The following RARS2 variants were observed in gnomAD, a reference collection of about 807,000 sequenced individuals.
RARS2 encodes the protein arginyl-tRNA synthetase 2, mitochondrial.
In RARS2, 67 loss-of-function variants were observed where a neutral mutation model predicts 88.5. That is an observed-to-expected ratio of 0.76 (90% CI 0.62 to 0.93). The LOEUF (loss-of-function observed/expected upper bound fraction) is 0.93, where lower values mean the gene tolerates loss of function less well. Among genes scored for constraint, RARS2 ranks in the 40% least tolerant of loss-of-function variants. The pLI is 0.00. For synonymous variants in RARS2, 239 were observed against 230.3 expected (o/e 1.04, Z -0.34); for missense variants, 664 against 684.2 (o/e 0.97, Z 0.33).
chr6:87,564,484 C>T, intron 2 of RARS2: 1 of 441,746 alleles, frequency 2.3e-6, no homozygotes, highest in South Asian at 2.1e-5. Context: ...TGGTAAAACC[C>T]CATCTCTACT....
chr6:87,548,889 G>C lies in RARS2; in HGVS notation c.396-243C>G, dbSNP rs6911680. On this transcript the variant is annotated intron_variant, in intron 5 of 19. Transcript: ENST00000369536. ...GCATTCACGTAAGTGGTATCTGCTA[G>C]TATTTACTGTATCAGAAATCAAAAT... Among the ~76,000 whole-genome samples the C allele has an allele frequency of 0.027, 4,130 of 152,212 alleles. 174 individuals are homozygous for C. The highest frequency in any genetic ancestry group is 0.094 in the African/African-American group (3,892 of 41,514).
intron 7 of RARS2, among the ~76,000 whole-genome samples, chr6:87,543,320 A>G (rs571312606): frequency 7.2e-6 from 1 of 139,678 alleles, no homozygotes; most frequent in African/African-American, 2.8e-5. Flanking sequence ...AAACAAAAAC[A>G]AAAACAAAAA....
At chr6:87,558,049 C>T (rs1053544216) in intron 4 of RARS2, among the ~76,000 whole-genome samples, 2 of 151,948 alleles carry the variant, frequency 1.3e-5, no homozygotes, top group African/African-American at 2.4e-5. Flanking sequence ...TGGTGGTAGG[C>T]GCCTGTAACC....
intron 5 of RARS2, among the ~76,000 whole-genome samples, chr6:87,550,296 G>A (rs1279224123): frequency 6.6e-6 from 1 of 152,198 alleles, no homozygotes; most frequent in Non-Finnish European, 1.5e-5. Context: ...GTGAAGGACT[G>A]TGATGTCTGA....
chr6:87,536,912 C>A (rs1196138606), intron 8 of RARS2, among the ~76,000 whole-genome samples: 1 of 152,080 alleles, frequency 6.6e-6, no homozygotes, highest in African/African-American at 2.4e-5. Context: ...GTCCCACGTA[C>A]AAAACAGCTA....
intron 5 of RARS2, among the ~76,000 whole-genome samples, chr6:87,553,227 A>T (rs901384190): frequency 4.6e-5 from 7 of 151,658 alleles, no homozygotes; most frequent in African/African-American, 1.7e-4. Context: ...AGAGAGAGAG[A>T]TGCCTGGCTA....
chr6:87,564,687 AAAAT>A (rs1294431529), intron 2 of RARS2: 2 of 254,400 alleles, frequency 7.9e-6, no homozygotes, highest in African/African-American at 2.3e-5. Flanking sequence ...TAAATAAAAT[AAAAT>A]AAATAAATAA....
chr6:87,548,525 T>C, intron 6 of RARS2, 66 bp downstream of exon 6: 1 of 1,482,618 alleles, frequency 6.7e-7, no homozygotes. Context: ...ATTAAAACAT[T>C]AAATTGAACT....
At chr6:87,585,757 A>G (rs1774970308) in intron 1 of RARS2, among the ~76,000 whole-genome samples, 1 of 152,102 alleles carries the variant, frequency 6.6e-6, no homozygotes, top group Admixed American at 6.6e-5. Flanking sequence ...ATAAATAAAA[A>G]TAAAAATAAA....
chr6:87,548,941 C>T (rs1444169331), intron 5 of RARS2, among the ~76,000 whole-genome samples: 1 of 152,142 alleles, frequency 6.6e-6, no homozygotes, highest in Non-Finnish European at 1.5e-5. Flanking sequence ...ACCCCCAGCA[C>T]AATGGCTCAT....
At chr6:87,533,468 T>G (rs1037585417) in intron 8 of RARS2, among the ~76,000 whole-genome samples, 1 of 152,202 alleles carries the variant, frequency 6.6e-6, no homozygotes, top group African/African-American at 2.4e-5. Context: ...AGTACGCATT[T>G]TGAAGATATC....
chr6:87,541,868 A>G (rs774980987), intron 8 of RARS2, 50 bp downstream of exon 8: 1 of 1,331,824 alleles, frequency 7.5e-7, no homozygotes, highest in African/African-American at 1.4e-5. Context: ...CATGTTACTA[A>G]GCTACATAGT....
At chr6:87,545,870 G>T (rs1167965932) in intron 6 of RARS2, among the ~76,000 whole-genome samples, 171 bp from the exon 7 acceptor site, 1 of 152,046 alleles carries the variant, frequency 6.6e-6, no homozygotes, top group African/African-American at 2.4e-5. Context: ...GTTATGGAAA[G>T]GGAGTAAGAA....
chr6:87,536,625 A>G, intron 8 of RARS2, among the ~76,000 whole-genome samples: 1 of 151,438 alleles, frequency 6.6e-6, no homozygotes, highest in East Asian at 1.9e-4. Context: ...CAACAGGGCA[A>G]GACCCCATCA....
chr6:87,584,784 T>C (rs1051181964), intron 1 of RARS2: 18 of 452,158 alleles, frequency 4.0e-5, no homozygotes, highest in Middle Eastern at 3.2e-4. Context: ...GACAAGATGA[T>C]GAATCCTTGT....
chr6:87,575,147 G>A (rs773736068), intron 1 of RARS2, among the ~76,000 whole-genome samples: 2 of 151,282 alleles, frequency 1.3e-5, no homozygotes, highest in Non-Finnish European at 2.9e-5. Flanking sequence ...AAGCAGAATG[G>A]AGCAGCCTTA....
intron 1 of RARS2, among the ~76,000 whole-genome samples, chr6:87,570,919 T>G (rs1188198995): frequency 6.6e-6 from 1 of 152,168 alleles, no homozygotes; most frequent in Admixed American, 6.5e-5. Flanking sequence ...TCCCAGACTT[T>G]CCTACTATTT....
rs113151375 is a variant in RARS2 at position 87,582,120 on chromosome 6, C to T, written c.36+7802G>A. ...GATTTATATTCCTTTGGGTATATAC[C>T]CTGCAATGGGATTGCTGGGCCAGAT... On this transcript the variant is annotated intron_variant, in intron 1 of 19. Transcript: ENST00000369536. Among the ~76,000 whole-genome samples the T allele has an allele frequency of 2.7e-3, 407 of 152,118 alleles. 2 individuals carry two copies. Among genetic ancestry groups the T allele is most frequent in the African/African-American group, 9.5e-3 (393 of 41,484 alleles).
intron 1 of RARS2, among the ~76,000 whole-genome samples, chr6:87,578,945 C>T (rs530160689): frequency 5.9e-5 from 6 of 101,268 alleles, no homozygotes; most frequent in Non-Finnish European, 8.7e-5. Flanking sequence ...GGAGACAGAG[C>T]GAGAGACTGT....
Sources: allele counts gnomAD v4.1 joint callset (sites outside exome capture counted in the v4.1 genomes callset), GRCh38; gene constraint gnomAD v4.1.1; transcripts MANE v1.5; gene names NCBI Gene and HGNC (gene_info 2026-07-23, HGNC 2026-07-21).